ABCC3: variants seen among roughly 807,000 people sequenced by gnomAD.
ABCC3 encodes the protein ATP binding cassette subfamily C member 3.
ABCC3 carries 121 observed loss-of-function variants against 165.3 expected under a neutral mutation model. The ratio of observed to expected loss-of-function variants is 0.73; its 90% CI spans 0.63 to 0.85. The LOEUF is 0.85. Ranked by LOEUF, ABCC3 falls within the 40% of genes least tolerant of loss-of-function variation. The probability of loss-of-function intolerance (pLI) is 0.00; values close to 1 mark genes in which losing one functional copy is unlikely to be tolerated. For synonymous variants in ABCC3, 733 were observed against 810.1 expected (o/e 0.90, Z 1.62); for missense variants, 1,869 against 1,964.1 (o/e 0.95, Z 0.92).
chr17:50,655,404 C>CAAAAAAAAAA (rs58586394), intron 1 of ABCC3, among the ~76,000 whole-genome samples: 5 of 56,468 alleles, frequency 8.9e-5, no homozygotes, highest in African/African-American at 1.4e-4. Flanking sequence ...GACTCTGTCT[C>CAAAAAAAAAA]AAAAAAAAAA....
In ABCC3 at chr17:50,675,473, T is replaced by C. The variant is rs765104874; in HGVS notation, c.2711T>C (p.Met904Thr). The C allele has an allele frequency of 6.2e-7, 1 of 1,612,782 alleles. No individual in the cohort carries two copies. The highest frequency in any genetic ancestry group is 8.5e-7 in the Non-Finnish European group (1 of 1,179,262). Residue 904 changes from methionine (M) to threonine (T), a missense_variant, in exon 20 of 31, where the codon ATG (methionine) becomes ACG (threonine). Coordinates refer to ENST00000285238, the MANE Select transcript of ABCC3 (RefSeq NM_003786.4). Reference protein sequence around the residue: ...PVTYVVQKQFMRQLSALSSDG... With the variant: ...PVTYVVQKQFTRQLSALSSDG... ...ACCTATGTGGTCCAGAAGCAGTTTA[T>C]GAGGTGAGTTCCTGAGAGCTCCCAG...
chr17:50,664,208 G>A, intron 10 of ABCC3, 97 bp downstream of exon 10: 7 of 1,496,178 alleles, frequency 4.7e-6, no homozygotes, highest in South Asian at 1.2e-5. Context: ...GCACATGCTT[G>A]TAGTCCCAGC....
At chr17:50,645,371 C>CAAAAAAAA (rs141598761) in intron 1 of ABCC3, among the ~76,000 whole-genome samples, 1 of 46,848 alleles carries the variant, frequency 2.1e-5, no homozygotes, top group Non-Finnish European at 3.6e-5. Context: ...AAGATTCCAT[C>CAAAAAAAA]AAAAAAAAAA....
intron 1 of ABCC3, among the ~76,000 whole-genome samples, chr17:50,640,967 G>T (rs2054225557): frequency 6.6e-6 from 1 of 152,104 alleles, no homozygotes; most frequent in African/African-American, 2.4e-5. Flanking sequence ...CCCTGCAGTG[G>T]TGGCTTCCTT....
rs565191099 is a variant in ABCC3 at position 50,663,543 on chromosome 17, G to A, written c.999-138G>A. The A allele has an allele frequency of 1.3e-4, 130 of 1,000,206 alleles. No homozygotes were observed. In the East Asian group the frequency reaches 1.5e-3, roughly 12 times the overall value. 62.0% of individuals were successfully genotyped at this position (1,000,206 alleles called of 1,614,324 possible). ...AGGCAGTACTGGGTTGACCCTCCCT[G>A]GCCCAAGAGGTTGGAGGGGGTGGAG... On this transcript the variant is annotated intron_variant, in intron 8 of 30. Transcript: ENST00000285238.
chr17:50,659,150 G>A, intron 6 of ABCC3, 87 bp from the exon 7 acceptor site: 1 of 1,518,766 alleles, frequency 6.6e-7, no homozygotes, highest in South Asian at 1.2e-5. Flanking sequence ...TGGAGACCCT[G>A]GGGCCCTGGA....
At chr17:50,643,847 G>GC (rs892127318) in intron 1 of ABCC3, among the ~76,000 whole-genome samples, 28 of 129,480 alleles carry the variant, frequency 2.2e-4, no homozygotes, top group Admixed American at 7.7e-4. Context: ...GAGATGCCAT[G>GC]GGGGGGGTCT....
intron 8 of ABCC3, chr17:50,662,109 G>C (rs1477406361): frequency 6.6e-6 from 1 of 152,426 alleles, no homozygotes; most frequent in Non-Finnish European, 1.5e-5. Context: ...GAGTGTGGGG[G>C]ATGTAGGGCA....
At chr17:50,660,884 C>T in intron 7 of ABCC3, 39 bp from the exon 8 acceptor site, 3 of 1,545,006 alleles carry the variant, frequency 1.9e-6, no homozygotes, top group South Asian at 1.2e-5. Flanking sequence ...GAGCCCCTGT[C>T]CCCATTCCTA....
intron 29 of ABCC3, among the ~76,000 whole-genome samples, chr17:50,685,544 T>C (rs781052201): frequency 6.6e-6 from 1 of 152,230 alleles, no homozygotes; most frequent in Non-Finnish European, 1.5e-5. Flanking sequence ...TACTATAACT[T>C]ATTTAGCCCA....
intron 1 of ABCC3, chr17:50,635,755 A>G: frequency 3.3e-6 from 2 of 608,820 alleles, no homozygotes; most frequent in Non-Finnish European, 5.9e-6. Flanking sequence ...GCAGTGGTTC[A>G]CGCCTGTAAT....
At position 50,660,926 on chromosome 17, in the gene ABCC3, C is replaced by A; in HGVS notation, c.810C>A (p.His270Gln). 8 of 1,596,132 alleles carry A rather than the reference C, an allele frequency of 5.0e-6. No homozygotes were observed. Among genetic ancestry groups the A allele is most frequent in the Non-Finnish European group, 6.8e-6 (8 of 1,171,840 alleles). The change falls in exon 8 of 31, where the codon CAC becomes CAA. Residue 270 changes from histidine (H) to glutamine (Q), a missense_variant. His to Gln is a conservative substitution (Grantham distance 24). Coordinates refer to ENST00000285238, the MANE Select transcript of ABCC3 (RefSeq NM_003786.4). ...WRKQEKQTAR[H>Q]KASAAPGKNA... ...TGCTCCTTCCTCCCTGGACCAGACA[C>A]AAGGCTTCAGCAGCACCTGGGAAAA... is the stretch of plus-strand genomic sequence containing the variant.
At chr17:50,657,473 C>T (rs1482213830) in intron 4 of ABCC3, among the ~76,000 whole-genome samples, 1 of 152,236 alleles carries the variant, frequency 6.6e-6, no homozygotes, top group East Asian at 1.9e-4. Flanking sequence ...GGGTGTCAGT[C>T]AGTGCCTGTG....
At chr17:50,685,396 A>G (rs1968006786) in intron 29 of ABCC3, among the ~76,000 whole-genome samples, 1 of 152,166 alleles carries the variant, frequency 6.6e-6, no homozygotes, top group African/African-American at 2.4e-5. Flanking sequence ...TTCACTCTAA[A>G]AGGCAGATAA....
chr17:50,686,062 C>T (rs1330768807), intron 29 of ABCC3, among the ~76,000 whole-genome samples: 3 of 152,152 alleles, frequency 2.0e-5, no homozygotes, highest in Admixed American at 2.0e-4. Context: ...GGCGTGATGG[C>T]GGGCGCCTGT....
intron 10 of ABCC3, chr17:50,664,778 C>A: frequency 5.2e-6 from 1 of 192,738 alleles, no homozygotes; most frequent in Non-Finnish European, 1.1e-5. Flanking sequence ...AGGGATAGGA[C>A]TTCGAGGATG....
Position 50,676,038 on chromosome 17 carries a change from GAAC to G in ABCC3, c.3020_3022del (p.Asn1007del). The G allele has an allele frequency of 1.9e-6, 3 of 1,614,204 alleles. No individual in the cohort carries two copies. The highest frequency in any genetic ancestry group is 2.5e-6 in the Non-Finnish European group (3 of 1,180,032). The stretch of plus-strand genomic sequence containing the variant: ...ATGATGCCATGGCAGACAGTAGACA[GAAC>G]AACACTTCCCTGAGGCTGGGCGTCT... On this transcript the variant is annotated inframe_deletion, in exon 22 of 31. Coordinates refer to ENST00000285238, the MANE Select transcript of ABCC3 (RefSeq NM_003786.4).
At chr17:50,654,132 A>T (rs568969458) in intron 1 of ABCC3, among the ~76,000 whole-genome samples, 5 of 152,350 alleles carry the variant, frequency 3.3e-5, no homozygotes, top group South Asian at 2.1e-4. Context: ...AAATTCAAAG[A>T]TGTATGAGCA....
rs1449896418 is a variant in ABCC3, at chr17:50,687,256, G to A, written c.4281-280G>A. Reference sequence around the variant, plus strand: ...CATCACGGCACTAGCTGAAAAGCAAGGATGGGGAAGAAAGCACCGAGAGAG... The same window carrying A: ...CATCACGGCACTAGCTGAAAAGCAAAGATGGGGAAGAAAGCACCGAGAGAG... On this transcript the variant is annotated intron_variant, in intron 29 of 30. Transcript: ENST00000285238. The A allele has an allele frequency of 8.9e-6, 4 of 447,522 alleles. No homozygotes were observed. The South Asian group carries it at 1.7e-4, about 19-fold the overall frequency. The allele number at this position is 447,522 out of a possible 1,614,324, so 27.7% of individuals were successfully genotyped here.
Sources: gnomAD v4.1 joint callset for allele counts (sites outside exome capture counted in the v4.1 genomes callset) on GRCh38, gnomAD v4.1.1 for gene constraint, MANE v1.5 for transcripts, NCBI Gene and HGNC (gene_info 2026-07-23, HGNC 2026-07-21) for gene names.